The following ATP2A2 variants were observed in gnomAD, a reference collection of about 807,000 sequenced individuals.
ATP2A2 encodes ATPase sarcoplasmic/endoplasmic reticulum Ca2+ transporting 2.
In ATP2A2, 14 loss-of-function variants were observed where a neutral mutation model predicts 109.3. The observed-to-expected ratio is 0.13, with a 90% CI of 0.08 to 0.20. The LOEUF (loss-of-function observed/expected upper bound fraction) is 0.20, where lower values mean the gene tolerates loss of function less well. Ranked by LOEUF, ATP2A2 falls within the 10% of genes least tolerant of loss-of-function variation. ATP2A2 has a pLI of 1.00. For missense variants in ATP2A2, 657 were observed against 1,321.6 expected (o/e 0.50, Z 7.80); for synonymous variants, 506 against 490.9 (o/e 1.03, Z -0.41).
chr12:110,281,034 C>G (rs1227675374), upstream of ATP2A2: 2 of 151,664 alleles, frequency 1.3e-5, no homozygotes, highest in East Asian at 3.9e-4. Flanking sequence ...CCCGCGACCG[C>G]GGCGCGCGCG....
rs534723283 is a variant in ATP2A2 at position 110,324,470 on chromosome 12, A to G, written c.544+1398A>G. 4.6e-5 allele frequency among the ~76,000 whole-genome samples: 7 copies of G among 152,050 alleles called. No homozygotes were observed. The East Asian group carries it at 9.7e-4, about 21-fold the overall frequency. ...GGAGTCTCGCTCTGTTGCCCAGGCT[A>G]TAGTGTAGTGCTGTGATCTCAGCTC... On this transcript the variant is annotated intron_variant, in intron 6 of 19. Coordinates refer to ENST00000539276, the MANE Select transcript of ATP2A2 (RefSeq NM_170665.4).
chr12:110,346,872 G>T lies in ATP2A2; in HGVS notation c.*402G>T, dbSNP rs1879917157. 9.1e-7 allele frequency: 1 copy of T among 1,101,688 alleles called. No homozygotes were observed. The highest frequency in any genetic ancestry group is 1.1e-6 in the Non-Finnish European group (1 of 900,394). The allele number at this position is 1,101,688 out of a possible 1,614,324, so 68.2% of individuals were successfully genotyped here. A position where few individuals can be genotyped will look rare whatever the true frequency, so the allele number is the denominator to read the frequency against. ...TCTAAAACTAAATAGCATGTATTGT[G>T]TCTTTTGCATGATGATCCGGATTTA... On this transcript the variant is annotated 3_prime_UTR_variant, in exon 20 of 20. Coordinates refer to ENST00000539276, the MANE Select transcript of ATP2A2 (RefSeq NM_170665.4).
chr12:110,325,336 T>C (rs1453751752), intron 6 of ATP2A2, among the ~76,000 whole-genome samples: 1 of 152,098 alleles, frequency 6.6e-6, no homozygotes, highest in African/African-American at 2.4e-5. Context: ...TATGACATGA[T>C]TTTTAAATTG....
rs188069108 is a variant in ATP2A2, at chr12:110,298,952, C to A, written c.463+2215C>A. On this transcript the variant is annotated intron_variant, in intron 5 of 19. Transcript: ENST00000539276. ...ATGCAATAGTATGTAAGATCTTATTCAGAATTTACCAGTTATCACTTTTTT... is the reference window on the plus strand; with the variant it reads ...ATGCAATAGTATGTAAGATCTTATTAAGAATTTACCAGTTATCACTTTTTT... 1.6e-3 allele frequency among the ~76,000 whole-genome samples: 242 copies of A among 152,124 alleles called. 1 individual carries two copies. Among genetic ancestry groups the A allele is most frequent in the Non-Finnish European group, 2.6e-3 (178 of 68,000 alleles).
intron 3 of ATP2A2, among the ~76,000 whole-genome samples, chr12:110,283,177 A>G (rs2137675251): frequency 6.6e-6 from 1 of 152,322 alleles, no homozygotes; most frequent in South Asian, 2.1e-4. Context: ...GTAGTCTGTA[A>G]ATAGAACTTA....
In ATP2A2 at chr12:110,348,224, T is replaced by A. The variant is rs941224635; in HGVS notation, c.*1754T>A. 1.0e-6 allele frequency: 1 copy of A among 985,370 alleles called. No individual in the cohort carries two copies. Among genetic ancestry groups the A allele is most frequent in the Non-Finnish European group, 1.2e-6 (1 of 829,936 alleles). The allele number at this position is 985,370 out of a possible 1,614,324, so 61.0% of individuals were successfully genotyped here. On this transcript the variant is annotated 3_prime_UTR_variant, in exon 20 of 20. Coordinates refer to ENST00000539276, the MANE Select transcript of ATP2A2 (RefSeq NM_170665.4). ...AGTAACTGAACCAGTGAACTCTGGG[T>A]ATCGATAGGTTCGTCTTAAATAGGC...
intron 5 of ATP2A2, among the ~76,000 whole-genome samples, chr12:110,312,679 A>G (rs1038537244): frequency 6.6e-6 from 1 of 151,746 alleles, no homozygotes; most frequent in Admixed American, 6.6e-5. Flanking sequence ...GTGAAATCCC[A>G]TCTTCACTAA....
At position 110,347,499 on chromosome 12, in the gene ATP2A2, G is replaced by GTCA; in HGVS notation, c.*1032_*1034dup. 7.8e-7 allele frequency: 1 copy of GTCA among 1,289,050 alleles called. No individual in the cohort carries two copies. The highest frequency in any genetic ancestry group is 1.0e-6 in the Non-Finnish European group (1 of 988,684). 79.9% of individuals were successfully genotyped at this position (1,289,050 alleles called of 1,614,324 possible). The stretch of plus-strand genomic sequence containing the variant: ...TATTCTTAATGTACAGGCACTAATT[G>GTCA]TCATCTGTGATGTACATTTTATGCA... On this transcript the variant is annotated 3_prime_UTR_variant, in exon 20 of 20. Transcript: ENST00000539276.
intron 11 of ATP2A2, among the ~76,000 whole-genome samples, chr12:110,337,102 T>C (rs1442820198): frequency 6.6e-6 from 1 of 152,096 alleles, no homozygotes; most frequent in Non-Finnish European, 1.5e-5. Flanking sequence ...CATCCTTGTG[T>C]CTCCCTGCTC....
chr12:110,282,802 A>G lies in ATP2A2; in HGVS notation c.219+7A>G, dbSNP rs369002442. ...GGCAGCATGTATATCTTTTGTAAGT[A>G]TAAAAAAATTTATTTTCTTTCCCCC... On this transcript the variant is annotated splice_region_variant and intron_variant, in intron 3 of 19. Coordinates refer to ENST00000539276, the MANE Select transcript of ATP2A2 (RefSeq NM_170665.4). The G allele has an allele frequency of 6.2e-7, 1 of 1,607,846 alleles. No individual in the cohort carries two copies. The highest frequency in any genetic ancestry group is 8.5e-7 in the Non-Finnish European group (1 of 1,175,068).
Position 110,345,261 on chromosome 12 carries a change from C to T in ATP2A2, c.2620C>T (p.Gln874Ter). ...GATTTTCTTGCAGAGTCATTTCCTA[C>T]AGTGTAAAGAGGACAACCCGGACTT... ...VSFYQLSHFL[Q>*]CKEDNPDFEG... is the part of the protein sequence containing the mutation. Residue 874 changes from glutamine to a stop codon, truncating the protein, a stop_gained, in exon 18 of 20, where the codon CAG becomes TAG. Transcript: ENST00000539276. LOFTEE classifies it high-confidence loss of function. 6.2e-7 allele frequency: 1 copy of T among 1,614,172 alleles called. No homozygotes were observed. The highest frequency in any genetic ancestry group is 8.5e-7 in the Non-Finnish European group (1 of 1,180,040).
At chr12:110,283,734 C>G (rs530650232) in intron 3 of ATP2A2, among the ~76,000 whole-genome samples, 1 of 152,016 alleles carries the variant, frequency 6.6e-6, no homozygotes, top group Non-Finnish European at 1.5e-5. Flanking sequence ...TGAAATTCAC[C>G]CAGTGCAGTA....
chr12:110,340,648 T>C lies in ATP2A2; in HGVS notation c.1762-11T>C. The C allele has an allele frequency of 6.2e-7, 1 of 1,614,024 alleles. No homozygotes were observed. ...TTGCCACTTTTATTTAAAGTGATGC[T>C]CTTATTTTAGACCAATCTGACCTTC... On this transcript the variant is annotated splice_polypyrimidine_tract_variant and intron_variant, in intron 13 of 19. Transcript: ENST00000539276. The surrounding 1 kb of genome is among the most constrained non-coding windows in gnomAD (Gnocchi z 6.0).
chr12:110,347,326 ACT>A lies in ATP2A2; in HGVS notation c.*857_*858del. 7.8e-7 allele frequency: 1 copy of A among 1,275,706 alleles called. No homozygotes were observed. The highest frequency in any genetic ancestry group is 1.3e-5 in the South Asian group (1 of 79,340). The allele number at this position is 1,275,706 out of a possible 1,614,324, so 79.0% of individuals were successfully genotyped here. A position where few individuals can be genotyped will look rare whatever the true frequency, so the allele number is the denominator to read the frequency against. On this transcript the variant is annotated 3_prime_UTR_variant, in exon 20 of 20. Coordinates refer to ENST00000539276, the MANE Select transcript of ATP2A2 (RefSeq NM_170665.4). The stretch of plus-strand genomic sequence containing the variant: ...CATTTTAAATGGACAGAGAAAAATA[ACT>A]GTCTTGTCTTTAACTCGTAAGTGGC...
chr12:110,349,598 G>C lies in ATP2A2; in HGVS notation c.*3128G>C. The C allele has an allele frequency of 1.0e-6, 1 of 986,396 alleles. No homozygotes were observed. Among genetic ancestry groups the C allele is most frequent in the Non-Finnish European group, 1.2e-6 (1 of 830,624 alleles). 61.1% of individuals were successfully genotyped at this position (986,396 alleles called of 1,614,324 possible). A position where few individuals can be genotyped will look rare whatever the true frequency, so the allele number is the denominator to read the frequency against. On this transcript the variant is annotated 3_prime_UTR_variant, in exon 20 of 20. Coordinates refer to ENST00000539276, the MANE Select transcript of ATP2A2 (RefSeq NM_170665.4). ...ACAACAGCTGCTCCCACATCCCCTC[G>C]GACTGGAGCTTCAGCCCTGACTGAG...
rs1442835536 is a variant in ATP2A2, at chr12:110,294,679, G to A, written c.325-1920G>A. Among the ~76,000 whole-genome samples, 6 of 152,250 alleles carry A rather than the reference G, an allele frequency of 3.9e-5. No homozygotes were observed. The East Asian group carries it at 7.7e-4, about 20-fold the overall frequency. On this transcript the variant is annotated intron_variant, in intron 4 of 19. Coordinates refer to ENST00000539276, the MANE Select transcript of ATP2A2 (RefSeq NM_170665.4). Reference sequence around the variant, plus strand: ...AAAAAGATTCGAGTTTTTAAAAAAAGAACATTCTTAAGTCTTTAGTATACT... The same window carrying A: ...AAAAAGATTCGAGTTTTTAAAAAAAAAACATTCTTAAGTCTTTAGTATACT...
At chr12:110,306,253 A>G (rs533234263) in intron 5 of ATP2A2, among the ~76,000 whole-genome samples, 193 of 152,252 alleles carry the variant, frequency 1.3e-3, no homozygotes, top group African/African-American at 4.4e-3. Flanking sequence ...GTTAGCCAGG[A>G]TGGTCTCGAT....
At chr12:110,289,019 GAT>G (rs1566200104) in intron 3 of ATP2A2, among the ~76,000 whole-genome samples, 1 of 152,172 alleles carries the variant, frequency 6.6e-6, no homozygotes, top group East Asian at 1.9e-4. Flanking sequence ...GACATGATCT[GAT>G]ATGGTTGTTC....
At chr12:110,284,326 T>C (rs1345870765) in intron 3 of ATP2A2, among the ~76,000 whole-genome samples, 3 of 152,230 alleles carry the variant, frequency 2.0e-5, no homozygotes, top group Non-Finnish European at 4.4e-5. Context: ...GGGTACATAA[T>C]AGCGTTGGCA....
Sources: allele counts gnomAD v4.1 joint callset (sites outside exome capture counted in the v4.1 genomes callset), GRCh38; gene constraint gnomAD v4.1.1; non-coding constraint Gnocchi (gnomAD v3.1); transcripts MANE v1.5; gene names NCBI Gene and HGNC (gene_info 2026-07-23, HGNC 2026-07-21).